SPIDR: variants seen among roughly 807,000 people sequenced by gnomAD.
SPIDR encodes the protein DNA repair-scaffolding protein.
In SPIDR, 93 loss-of-function variants were observed where a neutral mutation model predicts 104.6. That is an observed-to-expected ratio of 0.89 (90% confidence interval 0.75 to 1.06). SPIDR has a LOEUF of 1.06. SPIDR is among the 50% of genes least tolerant of loss of function. SPIDR has a pLI of 0.00. For synonymous variants in SPIDR, 431 were observed against 416.9 expected (o/e 1.03, Z -0.41); for missense variants, 1,154 against 1,111.2 (o/e 1.04, Z -0.55).
At chr8:47,405,386 TC>T (rs1450604195) in intron 6 of SPIDR, among the ~76,000 whole-genome samples, 1 of 151,902 alleles carries the variant, frequency 6.6e-6, no homozygotes, top group Non-Finnish European at 1.5e-5. Context: ...GCACATGTAT[TC>T]CAGAACTTAA....
At position 47,279,912 on chromosome 8, in the gene SPIDR, A is replaced by G; in HGVS notation, c.84A>G (p.Pro28=). Residue 28 remains proline, a synonymous_variant, in exon 2 of 20, where the codon CCA becomes CCG. Coordinates refer to ENST00000297423, the MANE Select transcript of SPIDR (RefSeq NM_001080394.4). ...TECPSFPGER[P]LQVRRAGLRT... ...GCCCATCCTTTCCAGGAGAAAGACC[A>G]CTGCAGGTCAGAAGAGCAGGTCTCA... The G allele has an allele frequency of 6.2e-7, 1 of 1,613,946 alleles. No individual in the cohort carries two copies. The highest frequency in any genetic ancestry group is 8.5e-7 in the Non-Finnish European group (1 of 1,179,874).
chr8:47,632,192 G>C (rs943948747), intron 10 of SPIDR, among the ~76,000 whole-genome samples: 1 of 152,132 alleles, frequency 6.6e-6, no homozygotes, highest in East Asian at 1.9e-4. Context: ...GACATGTGCT[G>C]TACTGTGGTT....
intron 5 of SPIDR, among the ~76,000 whole-genome samples, chr8:47,359,039 T>C (rs2055156844): frequency 6.6e-6 from 1 of 152,132 alleles, no homozygotes; most frequent in African/African-American, 2.4e-5. Context: ...AGACATCTGT[T>C]TATAGGATTG....
intron 1 of SPIDR, among the ~76,000 whole-genome samples, chr8:47,266,148 G>C (rs1390492922): frequency 7.7e-5 from 3 of 38,996 alleles, no homozygotes; most frequent in African/African-American, 3.2e-4. Flanking sequence ...TTTTTTTTTT[G>C]AGTTGGAGTC....
intron 8 of SPIDR, among the ~76,000 whole-genome samples, chr8:47,441,097 CTTGTT>C (rs1554696670): frequency 6.6e-6 from 1 of 152,020 alleles, no homozygotes; most frequent in African/African-American, 2.4e-5. Context: ...TTTGAGCAGC[CTTGTT>C]TTAAGAGCTA....
In SPIDR at chr8:47,284,063, G is replaced by A. The variant is rs1441934216; in HGVS notation, c.225G>A (p.Lys75=). ...LTAEEKTITE[K]HLELCPRPKQ... ...CTGAAGAGAAGACGATTACAGAAAAGCACCTTGAATTATGCCCTAGACCCA... is the reference window on the plus strand; with the variant it reads ...CTGAAGAGAAGACGATTACAGAAAAACACCTTGAATTATGCCCTAGACCCA... Residue 75 remains lysine, a synonymous_variant, in exon 3 of 20, where the codon AAG becomes AAA. Coordinates refer to ENST00000297423, the MANE Select transcript of SPIDR (RefSeq NM_001080394.4). The A allele has an allele frequency of 6.8e-6, 11 of 1,612,274 alleles. No individual in the cohort carries two copies. In the Admixed American group the frequency reaches 1.0e-4, roughly 15 times the overall value.
At chr8:47,647,531 CTTGAA>C (rs2070641086) in intron 10 of SPIDR, among the ~76,000 whole-genome samples, 1 of 151,692 alleles carries the variant, frequency 6.6e-6, no homozygotes, top group African/African-American at 2.4e-5. Context: ...AGGAGAATCG[CTTGAA>C]CTCAGGCGGC....
intron 1 of SPIDR, among the ~76,000 whole-genome samples, chr8:47,269,960 T>C (rs950334049): frequency 6.6e-6 from 1 of 152,230 alleles, no homozygotes; most frequent in Non-Finnish European, 1.5e-5. Context: ...TGACATTGAT[T>C]GAATTTTCAA....
intron 8 of SPIDR, among the ~76,000 whole-genome samples, chr8:47,450,486 A>G (rs576053605): frequency 6.6e-6 from 1 of 152,292 alleles, no homozygotes; most frequent in South Asian, 2.1e-4. Flanking sequence ...CATTCAGACT[A>G]TAGCAGGGTG....
At chr8:47,651,676 A>G (rs761132021) in intron 10 of SPIDR, among the ~76,000 whole-genome samples, 1 of 152,230 alleles carries the variant, frequency 6.6e-6, no homozygotes, top group Non-Finnish European at 1.5e-5. Flanking sequence ...ACAATTCACA[A>G]TTACAAAGAT....
Position 47,379,422 on chromosome 8 carries a change from A to T in SPIDR, c.526-16954A>T, listed in dbSNP as rs1486127417. 2.0e-5 allele frequency among the ~76,000 whole-genome samples: 3 copies of T among 152,104 alleles called. No homozygotes were observed. The East Asian group carries it at 5.8e-4, about 29-fold the overall frequency. On this transcript the variant is annotated intron_variant, in intron 5 of 19. Coordinates refer to ENST00000297423, the MANE Select transcript of SPIDR (RefSeq NM_001080394.4). ...GCCAGGTGTGGTGGTGCACACCTGC[A>T]GTTCCAGCTACTCGGGAGGCTGTGG...
At chr8:47,709,170 T>C (rs1378680577) in intron 14 of SPIDR, among the ~76,000 whole-genome samples, 1 of 152,028 alleles carries the variant, frequency 6.6e-6, no homozygotes, top group Non-Finnish European at 1.5e-5. Flanking sequence ...AGATGGAGTC[T>C]CTCTCTGTCG....
At chr8:47,700,703 A>C (rs561672532) in intron 12 of SPIDR, among the ~76,000 whole-genome samples, 2 of 152,260 alleles carry the variant, frequency 1.3e-5, no homozygotes, top group Admixed American at 6.5e-5. Context: ...TGCCTTCCCT[A>C]CTGTGCTGCA....
chr8:47,378,813 AC>A (rs2058984292), intron 5 of SPIDR, among the ~76,000 whole-genome samples: 1 of 152,228 alleles, frequency 6.6e-6, no homozygotes. Flanking sequence ...TTTGGAGCTA[AC>A]CTTGGATCTT....
intron 10 of SPIDR, among the ~76,000 whole-genome samples, chr8:47,644,723 A>G (rs2069955894): frequency 6.6e-6 from 1 of 152,204 alleles, no homozygotes; most frequent in African/African-American, 2.4e-5. Context: ...TAAGTGCTCA[A>G]AAAGCACTCC....
At chr8:47,717,186 G>A (rs1354771587) in intron 16 of SPIDR, among the ~76,000 whole-genome samples, 2 of 152,150 alleles carry the variant, frequency 1.3e-5, no homozygotes, top group East Asian at 1.9e-4. Context: ...CCCATCGCTC[G>A]CTTCCAGGGC....
At chr8:47,624,124 T>C (rs1287061452) in intron 10 of SPIDR, among the ~76,000 whole-genome samples, 1 of 152,180 alleles carries the variant, frequency 6.6e-6, no homozygotes, top group Non-Finnish European at 1.5e-5. Flanking sequence ...AACAACCTGC[T>C]CCTGAATGAC....
At chr8:47,494,969 A>T (rs2079222913) in intron 8 of SPIDR, among the ~76,000 whole-genome samples, 1 of 152,120 alleles carries the variant, frequency 6.6e-6, no homozygotes, top group Admixed American at 6.6e-5. Context: ...GCTACAGGTG[A>T]CTTTTGTAAT....
chr8:47,496,537 T>C (rs2079466376), intron 8 of SPIDR, among the ~76,000 whole-genome samples: 1 of 152,192 alleles, frequency 6.6e-6, no homozygotes, highest in Non-Finnish European at 1.5e-5. Flanking sequence ...ATTCGTGGTA[T>C]AAATCTCATT....
Sources: allele counts gnomAD v4.1 joint callset (sites outside exome capture counted in the v4.1 genomes callset), GRCh38; gene constraint gnomAD v4.1.1; transcripts MANE v1.5; gene names NCBI Gene and HGNC (gene_info 2026-07-23, HGNC 2026-07-21).